Variants in PRRC2A observed in about 807,000 individuals in gnomAD.
The protein encoded by PRRC2A is protein PRRC2A.
A neutral mutation model predicts 224.6 loss-of-function variants in PRRC2A; 59 were observed. The observed-to-expected ratio is 0.26, with a 90% confidence interval of 0.21 to 0.33. The LOEUF is 0.33. Ranked by LOEUF, PRRC2A falls within the 10% of genes least tolerant of loss-of-function variation. The probability of loss-of-function intolerance (pLI) is 1.00; values close to 1 mark genes in which losing one functional copy is unlikely to be tolerated. For missense variants in PRRC2A, 3,095 were observed against 2,880.7 expected, an observed-to-expected ratio of 1.07 and a Z score of -1.70; for synonymous variants, 1,194 against 1,109.5, an observed-to-expected ratio of 1.08 and a Z score of -1.51.
Position 31,631,278 on chromosome 6 carries a change from G to C in PRRC2A, c.2605G>C (p.Gly869Arg). Reference sequence around the variant, plus strand: ...GCCCCGTCCACTCCCCTGGCCCCCAGGCAGTGATGAAGTGGCCAAGATACA... The same window carrying C: ...GCCCCGTCCACTCCCCTGGCCCCCACGCAGTGATGAAGTGGCCAAGATACA... The part of the protein sequence containing the change: ...PGPRPLPWPP[G>R]SDEVAKIQTP... The change falls in exon 16 of 31, where the codon GGC becomes CGC. Residue 869 changes from glycine to arginine, a missense_variant. By Grantham distance (125) the Gly-to-Arg change is moderately radical. Transcript: ENST00000376033. This position sits in a 1 kb window ranked among gnomAD's most constrained non-coding sequence, Gnocchi z 4.5. 1 of 1,612,368 alleles carries C rather than the reference G, an allele frequency of 6.2e-7. No individual in the cohort carries two copies. The highest frequency in any genetic ancestry group is 8.5e-7 in the Non-Finnish European group (1 of 1,179,778).
chr6:31,637,246 C>T lies in PRRC2A; in HGVS notation c.6255C>T (p.Gly2085=), dbSNP rs1292654069. ...RTPPTGRSFS[G]LNSRLKATPS... is the part of the protein sequence containing the mutation. ...CTTCTTCCCTTAGGTCCTTCTCTGG[C>T]CTCAATTCCCGTCTCAAGGCCACGC... Residue 2085 remains glycine, a synonymous_variant, in exon 30 of 31, where the codon GGC becomes GGT. Coordinates refer to ENST00000376033, the MANE Select transcript of PRRC2A (RefSeq NM_004638.4). 6 of 1,611,764 alleles carry T rather than the reference C, an allele frequency of 3.7e-6. No homozygotes were observed. Among genetic ancestry groups the T allele is most frequent in the Non-Finnish European group, 5.1e-6 (6 of 1,178,856 alleles).
rs1028100630 is a variant in PRRC2A at position 31,628,766 on chromosome 6, G to A, written c.1766-378G>A. The A allele has an allele frequency of 4.3e-5, 10 of 234,696 alleles. No homozygotes were observed. In the Admixed American group the frequency reaches 4.6e-4, roughly 11 times the overall value. 14.5% of individuals were successfully genotyped at this position (234,696 alleles called of 1,614,324 possible). A position where few individuals can be genotyped will look rare whatever the true frequency, so the allele number is the denominator to read the frequency against. On this transcript the variant is annotated intron_variant, in intron 12 of 30. Transcript: ENST00000376033. ...TGAGGTAGTAGAATCGCTTTAACCCGGGAGGCAGAGATTTCTGTGAGCCAA... is the reference window on the plus strand; with the variant it reads ...TGAGGTAGTAGAATCGCTTTAACCCAGGAGGCAGAGATTTCTGTGAGCCAA...
At chr6:31,633,775 G>A (rs1455880012) in intron 17 of PRRC2A, 84 bp from the exon 18 acceptor site, 1 of 1,530,946 alleles carries the variant, frequency 6.5e-7, no homozygotes, top group South Asian at 1.3e-5. Context: ...AGCAAGGGTA[G>A]AAGAATTGGG....
At position 31,625,792 on chromosome 6, in the gene PRRC2A, A is replaced by C; in HGVS notation, c.760A>C (p.Met254Leu). Residue 254 changes from methionine (M) to leucine (L), a missense_variant and splice_region_variant, in exon 8 of 31, where the codon ATG becomes CTG. Met to Leu is a conservative substitution (Grantham distance 15, BLOSUM62 2). Coordinates refer to ENST00000376033, the MANE Select transcript of PRRC2A (RefSeq NM_004638.4). This position sits in a 1 kb window ranked among gnomAD's most constrained non-coding sequence, Gnocchi z 4.1. ...CAGCTACTGTTGGACCCTTTTACAG[A>C]TGTATCCCCCATATCTCCCGTTCCC... ...PPYRGMMPPF[M>L]YPPYLPFPPP... 1 of 1,573,700 alleles carries C rather than the reference A, an allele frequency of 6.4e-7. No homozygotes were observed. Among genetic ancestry groups the C allele is most frequent in the Non-Finnish European group, 8.7e-7 (1 of 1,143,784 alleles).
At position 31,631,197 on chromosome 6, in the gene PRRC2A, C is replaced by G. The variant is rs768020805; in HGVS notation, c.2524C>G (p.Pro842Ala). 1 of 1,594,498 alleles carries G rather than the reference C, an allele frequency of 6.3e-7. No homozygotes were observed. The highest frequency in any genetic ancestry group is 8.5e-7 in the Non-Finnish European group (1 of 1,171,250). ...CTATCTGGCCAGTTATCCAGGCTTT[C>G]CTGAGAATGGAGCCCCTGGGCCCCC... The part of the protein sequence containing the change: ...PPYLASYPGF[P>A]ENGAPGPPIS... The change falls in exon 16 of 31, where the codon CCT (proline) becomes GCT (alanine). Residue 842 changes from proline to alanine, a missense_variant. Physicochemically the swap from Pro to Ala is conservative, Grantham distance 27. Around this residue, in one of 8 missense-constraint regions of PRRC2A, gnomAD observed 2,001 missense variants for 1,764.9 expected, o/e 1.13. Coordinates refer to ENST00000376033, the MANE Select transcript of PRRC2A (RefSeq NM_004638.4). The surrounding 1 kb of genome is among the most constrained non-coding windows in gnomAD (Gnocchi z 4.5).
At position 31,632,474 on chromosome 6, in the gene PRRC2A, C is replaced by A; in HGVS notation, c.3801C>A (p.Ala1267=). The change falls in exon 16 of 31, where the codon GCC becomes GCA. Residue 1267 remains alanine, a synonymous_variant. Coordinates refer to ENST00000376033, the MANE Select transcript of PRRC2A (RefSeq NM_004638.4). ...GGCTGAAGCAGGAACGGGAGAATGC[C>A]GCAAGGGGGTCTGAGGGCAAGCCCT... ...FRRLKQEREN[A]ARGSEGKPSL... 6.2e-7 allele frequency: 1 copy of A among 1,607,022 alleles called. No individual in the cohort carries two copies. Among genetic ancestry groups the A allele is most frequent in the African/African-American group, 1.3e-5 (1 of 74,946 alleles).
In PRRC2A at chr6:31,627,690, G is replaced by A; in HGVS notation, c.1291-75G>A. On this transcript the variant is annotated intron_variant, in intron 11 of 30. Transcript: ENST00000376033. This position sits in a 1 kb window ranked among gnomAD's most constrained non-coding sequence, Gnocchi z 5.6. ...TTGCATCCTGCAAGTAGCGACAGTTGATTTGTTGTAAAAGAGATGATAGAA... is the reference window on the plus strand; with the variant it reads ...TTGCATCCTGCAAGTAGCGACAGTTAATTTGTTGTAAAAGAGATGATAGAA... 1 of 1,539,844 alleles carries A rather than the reference G, an allele frequency of 6.5e-7. No individual in the cohort carries two copies.
rs879204289 is a variant in PRRC2A at position 31,632,807 on chromosome 6, G to A, written c.4134G>A (p.Lys1378=). The change falls in exon 16 of 31, where the codon AAG becomes AAA. Residue 1378 remains lysine (K), a synonymous_variant. Transcript: ENST00000376033. ...GCGGAGATCTGAGCCAGAGAGCCAA[G>A]GATTTGAGTAAACGGAGCTTCTCAA... ...MSRGDLSQRA[K]DLSKRSFSSQ... The A allele has an allele frequency of 6.2e-7, 1 of 1,613,136 alleles. No homozygotes were observed. Among genetic ancestry groups the A allele is most frequent in the Non-Finnish European group, 8.5e-7 (1 of 1,180,024 alleles).
rs1776032276 is a variant in PRRC2A, at chr6:31,627,365, G to A, written c.1290+167G>A. ...AGCTTTTAAATATCTTTGGTAATAG[G>A]GGAGTCTGGGTAAGAAGTGAGAAAC... On this transcript the variant is annotated intron_variant, in intron 11 of 30. Transcript: ENST00000376033. The surrounding 1 kb of genome is among the most constrained non-coding windows in gnomAD (Gnocchi z 5.6). 6.6e-6 allele frequency among the ~76,000 whole-genome samples: 1 copy of A among 152,192 alleles called. No individual in the cohort carries two copies. Among genetic ancestry groups the A allele is most frequent in the South Asian group, 2.1e-4 (1 of 4,832 alleles).
intron 1 of PRRC2A, among the ~76,000 whole-genome samples, chr6:31,621,295 C>T (rs1333287391): frequency 6.6e-6 from 1 of 151,888 alleles, no homozygotes; most frequent in East Asian, 1.9e-4. Context: ...GCTGTGTTCC[C>T]CCCTCTGGAC....
chr6:31,624,872 C>T, intron 5 of PRRC2A: 1 of 514,428 alleles, frequency 1.9e-6, no homozygotes, highest in Non-Finnish European at 3.5e-6. Flanking sequence ...AATCTCGGCT[C>T]ACTGCAACCT....
rs1415832838 is a variant in PRRC2A at position 31,636,296 on chromosome 6, C to T, written c.5712C>T (p.Phe1904=). The change falls in exon 26 of 31, where the codon TTC becomes TTT. Residue 1904 remains phenylalanine, a synonymous_variant. Coordinates refer to ENST00000376033, the MANE Select transcript of PRRC2A (RefSeq NM_004638.4). This position sits in a 1 kb window ranked among gnomAD's most constrained non-coding sequence, Gnocchi z 4.3. ...GLALKGQFLD[F]STMQATELGK... Reference sequence around the variant, plus strand: ...CTCTCAAGGGCCAGTTTCTGGATTTCTCCACAATGCAAGCTACAGAGCTGG... The same window carrying T: ...CTCTCAAGGGCCAGTTTCTGGATTTTTCCACAATGCAAGCTACAGAGCTGG... 1 of 1,612,932 alleles carries T rather than the reference C, an allele frequency of 6.2e-7. No homozygotes were observed. The highest frequency in any genetic ancestry group is 2.2e-5 in the East Asian group (1 of 44,896).
At position 31,632,066 on chromosome 6, in the gene PRRC2A, A is replaced by G; in HGVS notation, c.3393A>G (p.Thr1131=). Residue 1131 remains threonine (T), a synonymous_variant, in exon 16 of 31, where the codon ACA becomes ACG. Transcript: ENST00000376033. Reference sequence around the variant, plus strand: ...AGGCTCCCACACCCAAGGAGGGAACACTCACCCAGGTCCCTCTCGCTCCCC... The same window carrying G: ...AGGCTCCCACACCCAAGGAGGGAACGCTCACCCAGGTCCCTCTCGCTCCCC... ...DKEAPTPKEG[T]LTQVPLAPPP... 3 of 1,567,382 alleles carry G rather than the reference A, an allele frequency of 1.9e-6. No homozygotes were observed. The highest frequency in any genetic ancestry group is 3.6e-5 in the Admixed American group (2 of 55,496).
chr6:31,635,113 T>G lies in PRRC2A; in HGVS notation c.5161-19T>G, dbSNP rs1561838185. On this transcript the variant is annotated intron_variant, in intron 21 of 30. Coordinates refer to ENST00000376033, the MANE Select transcript of PRRC2A (RefSeq NM_004638.4). ...TCCCTTTCCCTCCCCCAATGCACTT[T>G]ACTGTGTGCCCAATCCAGGAGCTGC... 6.2e-7 allele frequency: 1 copy of G among 1,612,800 alleles called. No homozygotes were observed. Among genetic ancestry groups the G allele is most frequent in the East Asian group, 2.2e-5 (1 of 44,840 alleles).
chr6:31,637,400 T>C (rs562890500), intron 30 of PRRC2A, 46 bp from the exon 31 acceptor site: 2 of 1,604,046 alleles, frequency 1.2e-6, no homozygotes, highest in African/African-American at 1.3e-5. Context: ...GTCTCATCGC[T>C]GACCTCTCAC....
At position 31,636,816 on chromosome 6, in the gene PRRC2A, C is replaced by T; in HGVS notation, c.6018C>T (p.Pro2006=). ...CAGCACCACCTCCTGCCCCACCTCC[C>T]CTTTCTCTGTTACCTGTGGGCCCTG... ...LPPAPPPAPP[P]LSLLPVGPAL... is the part of the protein sequence containing the mutation. Residue 2006 remains proline (P), a synonymous_variant, in exon 28 of 31, where the codon CCC becomes CCT. Coordinates refer to ENST00000376033, the MANE Select transcript of PRRC2A (RefSeq NM_004638.4). The surrounding 1 kb of genome is among the most constrained non-coding windows in gnomAD (Gnocchi z 4.3). 7.4e-6 allele frequency: 12 copies of T among 1,611,238 alleles called. No individual in the cohort carries two copies. Among genetic ancestry groups the T allele is most frequent in the Non-Finnish European group, 9.3e-6 (11 of 1,179,990 alleles).
intron 3 of PRRC2A, 45 bp downstream of exon 3, chr6:31,623,954 T>G: frequency 6.3e-7 from 1 of 1,599,566 alleles, no homozygotes; most frequent in Non-Finnish European, 8.5e-7. Context: ...TATTTTAACT[T>G]GAACTTCAGG....
In PRRC2A at chr6:31,633,597, G is replaced by C. The variant is rs773879355; in HGVS notation, c.4538G>C (p.Arg1513Thr). 6.2e-7 allele frequency: 1 copy of C among 1,612,878 alleles called. No homozygotes were observed. The highest frequency in any genetic ancestry group is 1.7e-5 in the Admixed American group (1 of 60,018). Residue 1513 changes from arginine (R) to threonine (T), a missense_variant, in exon 17 of 31, where the codon AGG becomes ACG. Physicochemically the swap from Arg to Thr is moderately conservative, Grantham distance 71. Transcript: ENST00000376033. ...CAAGCCCCTCAGGGCCCCTCTCCTA[G>C]GCCCCCAACCCGATACGAGCCCCAG... ...LPQAPQGPSP[R>T]PPTRYEPQRV...
chr6:31,624,145 G>T (rs1775625791), intron 3 of PRRC2A, 116 bp from the exon 4 acceptor site: 4 of 1,177,344 alleles, frequency 3.4e-6, no homozygotes, highest in African/African-American at 1.5e-5. Context: ...AAATTAATTT[G>T]TCCTTATATT....
Sources: allele counts gnomAD v4.1 joint callset (sites outside exome capture counted in the v4.1 genomes callset), GRCh38; gene constraint gnomAD v4.1.1; regional missense constraint gnomAD v4.1.1; non-coding constraint Gnocchi (gnomAD v3.1); transcripts MANE v1.5; gene names NCBI Gene and HGNC (gene_info 2026-07-23, HGNC 2026-07-21).